Variants in ITGA8 observed in about 807,000 individuals in gnomAD.
ITGA8 encodes the protein integrin alpha-8.
ITGA8 carries 91 observed loss-of-function variants against 142.3 expected under a neutral mutation model. The observed-to-expected ratio is 0.64, with a 90% CI of 0.54 to 0.76. The LOEUF is 0.76. ITGA8 is among the 30% of genes least tolerant of loss of function. The pLI, the probability that ITGA8 is intolerant of heterozygous loss-of-function variation, is 0.00. For synonymous variants in ITGA8, 505 were observed against 485.2 expected (o/e 1.04, Z -0.54); for missense variants, 1,406 against 1,327.7 (o/e 1.06, Z -0.92).
intron 25 of ITGA8, among the ~76,000 whole-genome samples, chr10:15,562,803 G>C (rs1222825300): frequency 1.3e-5 from 2 of 152,202 alleles, no homozygotes; most frequent in African/African-American, 2.4e-5. Context: ...CCATGGCAGA[G>C]CCTGGCACAA....
chr10:15,658,567 G>C (rs1160140774), intron 10 of ITGA8, among the ~76,000 whole-genome samples: 1 of 152,012 alleles, frequency 6.6e-6, no homozygotes, highest in East Asian at 1.9e-4. Flanking sequence ...GCCTTCCCTT[G>C]CCTGGAAGGT....
chr10:15,544,162 G>T (rs1165000450), intron 27 of ITGA8, among the ~76,000 whole-genome samples: 3 of 152,166 alleles, frequency 2.0e-5, no homozygotes, highest in Non-Finnish European at 4.4e-5. Flanking sequence ...GCCTGGCATG[G>T]TGCCAGGCAC....
In ITGA8 at chr10:15,597,206, C is replaced by CATTT; in HGVS notation, c.2208_2211dup (p.Tyr738LysfsTer14). The CATTT allele has an allele frequency of 1.2e-6, 2 of 1,609,654 alleles. No homozygotes were observed. Among genetic ancestry groups the CATTT allele is most frequent in the South Asian group, 2.2e-5 (2 of 90,966 alleles). On this transcript the variant is annotated frameshift_variant and splice_region_variant. Coordinates refer to ENST00000378076, the MANE Select transcript of ITGA8 (RefSeq NM_003638.3). LOFTEE classifies it high-confidence loss of function. ...AGTCAGTATTTCTGGTTCTCTCTTA[C>CATTT]ATTTGTTCCAGACACCATAGGGTTC... is the stretch of plus-strand genomic sequence containing the variant.
intron 13 of ITGA8, among the ~76,000 whole-genome samples, chr10:15,626,848 C>T (rs527934579): frequency 1.3e-5 from 2 of 152,132 alleles, no homozygotes; most frequent in African/African-American, 4.8e-5. Flanking sequence ...CCTGCTGACG[C>T]CTTGATCTTG....
intron 12 of ITGA8, among the ~76,000 whole-genome samples, chr10:15,644,483 TA>T (rs1833939626): frequency 5.2e-5 from 1 of 19,354 alleles, no homozygotes; most frequent in Non-Finnish European, 1.3e-4. Context: ...TATATATATA[TA>T]TATATATAGA....
chr10:15,550,006 A>C (rs1180371120), intron 26 of ITGA8, among the ~76,000 whole-genome samples: 1 of 152,086 alleles, frequency 6.6e-6, no homozygotes, highest in Non-Finnish European at 1.5e-5. Context: ...CTCATCTTGA[A>C]TTGTAGCTTC....
At chr10:15,710,171 A>G (rs966851220) in intron 2 of ITGA8, among the ~76,000 whole-genome samples, 5 of 152,194 alleles carry the variant, frequency 3.3e-5, no homozygotes, top group Non-Finnish European at 7.3e-5. Flanking sequence ...TTTTAATCAC[A>G]TTTCCCAAAG....
At chr10:15,654,714 G>A (rs1316848047) in intron 11 of ITGA8, among the ~76,000 whole-genome samples, 1 of 152,214 alleles carries the variant, frequency 6.6e-6, no homozygotes, top group Non-Finnish European at 1.5e-5. Flanking sequence ...CTGGAACGTG[G>A]TGTGTGATCC....
intron 3 of ITGA8, 90 bp from the exon 4 acceptor site, chr10:15,684,217 A>G (rs1202756170): frequency 3.7e-6 from 5 of 1,360,228 alleles, no homozygotes; most frequent in Non-Finnish European, 5.0e-6. Flanking sequence ...ACAAACTGTT[A>G]AATTATTGGG....
intron 5 of ITGA8, among the ~76,000 whole-genome samples, 189 bp downstream of exon 5, chr10:15,678,533 A>T (rs1834675403): frequency 6.6e-6 from 1 of 152,176 alleles, no homozygotes; most frequent in Admixed American, 6.5e-5. Flanking sequence ...TGCATAAATT[A>T]TTTACATAAA....
intron 27 of ITGA8, among the ~76,000 whole-genome samples, chr10:15,540,555 T>G (rs1833548087): frequency 6.6e-6 from 1 of 152,340 alleles, no homozygotes; most frequent in African/African-American, 2.4e-5. Flanking sequence ...AAGTCTTTGC[T>G]AAACTCACTA....
intron 2 of ITGA8, among the ~76,000 whole-genome samples, chr10:15,696,751 G>C (rs1451123730): frequency 1.3e-5 from 2 of 151,798 alleles, no homozygotes; most frequent in Non-Finnish European, 2.9e-5. Context: ...CCAGCACTTT[G>C]GGAGACCAAG....
intron 10 of ITGA8, among the ~76,000 whole-genome samples, chr10:15,656,684 G>C (rs11593806): frequency 0.22 from 33,811 of 151,912 alleles, 3,961 homozygotes; most frequent in Admixed American, 0.32. Context: ...TATCGCTGCA[G>C]TTTTTCTTTT....
intron 22 of ITGA8, among the ~76,000 whole-genome samples, chr10:15,588,902 T>C (rs140861626): frequency 1.1e-3 from 173 of 152,338 alleles, no homozygotes; most frequent in South Asian, 2.9e-3. Flanking sequence ...ATCAAAATCA[T>C]CTTTTGTCAC....
intron 27 of ITGA8, among the ~76,000 whole-genome samples, chr10:15,538,512 G>GAAA (rs71374631): frequency 2.7e-4 from 27 of 98,562 alleles, no homozygotes; most frequent in African/African-American, 1.2e-3. Context: ...ACTCCGTCTC[G>GAAA]AAAAAAAAAA....
chr10:15,718,972 C>A, intron 1 of ITGA8, 73 bp from the exon 2 acceptor site: 1 of 1,604,830 alleles, frequency 6.2e-7, no homozygotes, highest in Non-Finnish European at 8.5e-7. Context: ...TCTCTGTAAC[C>A]TCCTGCCCGG....
intron 2 of ITGA8, among the ~76,000 whole-genome samples, chr10:15,703,338 A>G (rs2131729131): frequency 6.6e-6 from 1 of 152,350 alleles, no homozygotes; most frequent in Non-Finnish European, 1.5e-5. Flanking sequence ...GTGCCTAGCC[A>G]GTGTTCTTCA....
intron 13 of ITGA8, among the ~76,000 whole-genome samples, chr10:15,635,823 A>G (rs1237936344): frequency 6.6e-6 from 1 of 151,960 alleles, no homozygotes; most frequent in Non-Finnish European, 1.5e-5. Context: ...CAAATTAACA[A>G]TTTCAAGGAG....
intron 8 of ITGA8, among the ~76,000 whole-genome samples, chr10:15,662,172 C>G (rs10508491): frequency 0.69 from 104,926 of 151,882 alleles, 37,485 homozygotes; most frequent in South Asian, 0.85. Flanking sequence ...GAGTAAAGAT[C>G]CTCCTAATTT....
Sources: allele counts gnomAD v4.1 joint callset (sites outside exome capture counted in the v4.1 genomes callset), GRCh38; gene constraint gnomAD v4.1.1; transcripts MANE v1.5; gene names NCBI Gene and HGNC (gene_info 2026-07-23, HGNC 2026-07-21).